LAMA3: variants seen among roughly 807,000 people sequenced by gnomAD.
The protein encoded by LAMA3 is laminin subunit alpha 3, also known as laminin subunit alpha-3.
LAMA3 carries 281 observed loss-of-function variants against 402.0 expected under a neutral mutation model. That is an observed-to-expected ratio of 0.70 (90% CI 0.63 to 0.77). The LOEUF (loss-of-function observed/expected upper bound fraction) is 0.77. Among genes scored for constraint, LAMA3 ranks in the 30% least tolerant of loss-of-function variants. The pLI, the probability that LAMA3 is intolerant of heterozygous loss-of-function variation, is 0.00. For missense variants in LAMA3, 3,840 were observed against 4,215.5 expected (o/e 0.91, Z 2.47); for synonymous variants, 1,431 against 1,558.4 (o/e 0.92, Z 1.93).
intron 36 of LAMA3, among the ~76,000 whole-genome samples, chr18:23,866,114 A>C (rs2064350589): frequency 6.6e-6 from 1 of 152,248 alleles, no homozygotes; most frequent in Admixed American, 6.5e-5. Flanking sequence ...TGAGAAAGGA[A>C]GTAACAACAT....
intron 6 of LAMA3, 91 bp from the exon 7 acceptor site, chr18:23,758,305 G>A: frequency 1.2e-6 from 1 of 850,328 alleles, no homozygotes; most frequent in Non-Finnish European, 2.0e-6. Flanking sequence ...GGATGACCGT[G>A]ATGACTCGTG....
At position 23,783,937 on chromosome 18, in the gene LAMA3, C is replaced by T. The variant is rs2062487933; in HGVS notation, c.1469-86C>T. ...CCATAGATAATTAATAATCTATATTCCCATGATAGAAACCTAGGGGAAGGG... is the reference window on the plus strand; with the variant it reads ...CCATAGATAATTAATAATCTATATTTCCATGATAGAAACCTAGGGGAAGGG... On this transcript the variant is annotated intron_variant, in intron 11 of 74. Transcript: ENST00000313654. The T allele has an allele frequency of 2.7e-6, 4 of 1,491,158 alleles. No individual in the cohort carries two copies. In the East Asian group the frequency reaches 6.8e-5, roughly 25 times the overall value. 92.4% of individuals were successfully genotyped at this position (1,491,158 alleles called of 1,614,324 possible).
intron 9 of LAMA3, among the ~76,000 whole-genome samples, chr18:23,775,307 T>C (rs1389565359): frequency 1.3e-5 from 2 of 152,126 alleles, no homozygotes; most frequent in South Asian, 2.1e-4. Context: ...AGATTAACAT[T>C]TTTTTTATGG....
Position 23,689,989 on chromosome 18 carries a change from G to A in LAMA3, c.294+12G>A. On this transcript the variant is annotated intron_variant, in intron 1 of 74. Transcript: ENST00000313654. ...GCCACACCATCCAGGTGAGGGCCTC[G>A]GAGAGAGCCGGGGTGGGCGCGCCTT... is the stretch of plus-strand genomic sequence containing the variant. 1.4e-6 allele frequency: 2 copies of A among 1,446,112 alleles called. No homozygotes were observed. Among genetic ancestry groups the A allele is most frequent in the African/African-American group, 1.5e-5 (1 of 67,824 alleles). 89.6% of individuals were successfully genotyped at this position (1,446,112 alleles called of 1,614,324 possible).
chr18:23,837,253 A>G (rs2063601969), intron 25 of LAMA3, 164 bp downstream of exon 25: 6 of 639,780 alleles, frequency 9.4e-6, no homozygotes, highest in Middle Eastern at 4.0e-4. Flanking sequence ...TTGCCTCTTC[A>G]TTTGTTTGAG....
At chr18:23,738,554 C>G (rs889279603) in intron 2 of LAMA3, among the ~76,000 whole-genome samples, 3 of 152,138 alleles carry the variant, frequency 2.0e-5, no homozygotes, top group African/African-American at 7.2e-5. Context: ...GAATCAGGCC[C>G]AGAAAATGAG....
At chr18:23,761,420 A>G (rs1347262687) in intron 7 of LAMA3, among the ~76,000 whole-genome samples, 2 of 152,246 alleles carry the variant, frequency 1.3e-5, no homozygotes, top group African/African-American at 2.4e-5. Flanking sequence ...GGCTAAGAGC[A>G]TAGGTTCTGC....
intron 6 of LAMA3, among the ~76,000 whole-genome samples, chr18:23,754,545 A>C (rs112048520): frequency 8.5e-5 from 13 of 152,208 alleles, no homozygotes; most frequent in African/African-American, 2.4e-4. Context: ...TTCCTTGTAT[A>C]TATGTATATA....
At chr18:23,728,590 T>C (rs1310947008) in intron 2 of LAMA3, among the ~76,000 whole-genome samples, 2 of 152,134 alleles carry the variant, frequency 1.3e-5, no homozygotes, top group Non-Finnish European at 2.9e-5. Context: ...GTCAATGCTG[T>C]AGGTGCTTTA....
At chr18:23,842,542 C>T (rs753972512) in intron 28 of LAMA3, 21 bp downstream of exon 28, 1 of 1,614,180 alleles carries the variant, frequency 6.2e-7, no homozygotes, top group Admixed American at 1.7e-5. Context: ...GTGAGCAGGC[C>T]CTGCTGCCTG....
intron 9 of LAMA3, among the ~76,000 whole-genome samples, chr18:23,774,560 G>A (rs908320143): frequency 6.6e-6 from 1 of 152,192 alleles, no homozygotes; most frequent in Admixed American, 6.5e-5. Flanking sequence ...ACAGAAGAAT[G>A]CCTCTAGTTT....
chr18:23,824,805 T>A (rs981309574), intron 21 of LAMA3, among the ~76,000 whole-genome samples: 11 of 152,006 alleles, frequency 7.2e-5, no homozygotes, highest in Non-Finnish European at 8.8e-5. Flanking sequence ...ACAAAAAAAA[T>A]AAAAGATAAA....
intron 62 of LAMA3, 41 bp from the exon 63 acceptor site, chr18:23,928,082 G>T: frequency 7.2e-7 from 1 of 1,386,266 alleles, no homozygotes; most frequent in South Asian, 1.2e-5. Context: ...ACGTGAGCCT[G>T]ACATGATCCA....
chr18:23,946,563 G>A (rs2082721160), intron 70 of LAMA3: 4 of 434,754 alleles, frequency 9.2e-6, no homozygotes, highest in East Asian at 4.3e-5. Context: ...TTCTCCTCCA[G>A]GGAATGCAAA....
rs780047955 is a variant in LAMA3, at chr18:23,920,965, G to A, written c.7954G>A (p.Gly2652Ser). The A allele has an allele frequency of 5.0e-6, 8 of 1,613,886 alleles. No individual in the cohort carries two copies. The highest frequency in any genetic ancestry group is 4.2e-6 in the Non-Finnish European group (5 of 1,179,960). The change falls in exon 61 of 75, where the codon GGC becomes AGC. Residue 2652 changes from glycine to serine, a missense_variant. Gly to Ser is a moderately conservative substitution (Grantham distance 56). This residue lies in a region of LAMA3 where 840 missense variants were observed against 981.9 expected (regional missense o/e 0.86). Coordinates refer to ENST00000313654, the MANE Select transcript of LAMA3 (RefSeq NM_198129.4). ...DRFISLNIED[G>S]KLMVRYKLNS... ...CTTCATATCTCTAAATATAGAAGATGGCAAGCTCATGGTGAGATACAAACT... is the reference window on the plus strand; with the variant it reads ...CTTCATATCTCTAAATATAGAAGATAGCAAGCTCATGGTGAGATACAAACT...
intron 4 of LAMA3, among the ~76,000 whole-genome samples, chr18:23,750,591 G>A (rs9962855): frequency 0.98 from 149,363 of 151,938 alleles, 73,424 homozygotes; most frequent in Middle Eastern, 1. Flanking sequence ...ATATTTACAG[G>A]TTTTAACATT....
intron 36 of LAMA3, 104 bp from the exon 37 acceptor site, chr18:23,867,730 G>C (rs750514800): frequency 3.5e-6 from 3 of 867,798 alleles, no homozygotes; most frequent in Non-Finnish European, 6.0e-6. Context: ...TTTAAGTCAG[G>C]TATGTCATAT....
rs1154232 is a variant in LAMA3, at chr18:23,931,070, C to A, written c.8445C>A (p.Asn2815Lys). 318,100 of 1,610,202 alleles carry A rather than the reference C, an allele frequency of 0.2. 32,847 individuals are homozygous for A. Among genetic ancestry groups the A allele is most frequent in the South Asian group, 0.24 (21,685 of 90,968 alleles). Residue 2815 changes from asparagine to lysine, a missense_variant, in exon 65 of 75, where the codon AAC (asparagine) becomes AAA (lysine). Transcript: ENST00000313654. ...ILLDHQTWTR[N>K]LQVTLEDGYI... is the part of the protein sequence containing the mutation. The stretch of plus-strand genomic sequence containing the variant: ...TTCTATGGTGATTTCAGACAAGGAA[C>A]CTGCAGGTCACTCTGGAAGATGGTT...
At chr18:23,716,601 C>A (rs1014182795) in intron 2 of LAMA3, among the ~76,000 whole-genome samples, 1 of 152,064 alleles carries the variant, frequency 6.6e-6, no homozygotes, top group Non-Finnish European at 1.5e-5. Flanking sequence ...TAAAAGCCTC[C>A]TTTTGATGTA....
Sources: allele counts gnomAD v4.1 joint callset (sites outside exome capture counted in the v4.1 genomes callset), GRCh38; gene constraint gnomAD v4.1.1; regional missense constraint gnomAD v4.1.1; transcripts MANE v1.5; gene names NCBI Gene and HGNC (gene_info 2026-07-23, HGNC 2026-07-21).